Variants in CRYBG2 observed in about 807,000 individuals in gnomAD.
The protein encoded by CRYBG2 is crystallin beta-gamma domain containing 2.
A neutral mutation model predicts 153.4 loss-of-function variants in CRYBG2; 106 were observed. The observed-to-expected ratio is 0.69, with a 90% CI of 0.59 to 0.81. CRYBG2 has a LOEUF of 0.81. Ranked by LOEUF, CRYBG2 falls within the 30% of genes least tolerant of loss-of-function variation. The pLI, the probability that CRYBG2 is intolerant of heterozygous loss-of-function variation, is 0.00. For synonymous variants in CRYBG2, 851 were observed against 877.8 expected, an observed-to-expected ratio of 0.97 and a Z score of 0.54; for missense variants, 1,996 against 2,112.0, an observed-to-expected ratio of 0.95 and a Z score of 1.08.
Position 26,336,831 on chromosome 1 carries a change from G to A in CRYBG2, c.3911+10C>T, listed in dbSNP as rs757327654. 4 of 1,581,516 alleles carry A rather than the reference G, an allele frequency of 2.5e-6. No homozygotes were observed. The Admixed American group carries it at 7.3e-5, about 29-fold the overall frequency. On this transcript the variant is annotated intron_variant, in intron 11 of 19. Coordinates refer to ENST00000308182, the MANE Select transcript of CRYBG2 (RefSeq NM_001039775.4). The surrounding 1 kb of genome is among the most constrained non-coding windows in gnomAD (Gnocchi z 4.9). ...GGGCCCGCCCCGCTCCCGGAGCCCG[G>A]GTCACTTACACGCCGCTGAGCACGT... is the stretch of plus-strand genomic sequence containing the variant.
At chr1:26,349,254 C>G (rs921298225) in intron 1 of CRYBG2, among the ~76,000 whole-genome samples, 1 of 152,160 alleles carries the variant, frequency 6.6e-6, no homozygotes, top group Non-Finnish European at 1.5e-5. Context: ...ACTCTTCCCT[C>G]GATTCTGTCC....
At chr1:26,332,272 A>T (rs1340398941) in intron 14 of CRYBG2, among the ~76,000 whole-genome samples, 3 of 143,898 alleles carry the variant, frequency 2.1e-5, no homozygotes, top group Non-Finnish European at 4.5e-5. Flanking sequence ...ACGCCACTAC[A>T]CTCCAGCCTG....
Position 26,345,355 on chromosome 1 carries a change from C to T in CRYBG2, c.1303G>A (p.Gly435Ser). 10 of 1,613,436 alleles carry T rather than the reference C, an allele frequency of 6.2e-6. No individual in the cohort carries two copies. Among genetic ancestry groups the T allele is most frequent in the Non-Finnish European group, 8.5e-6 (10 of 1,179,878 alleles). Residue 435 changes from glycine (G) to serine (S), a missense_variant, in exon 2 of 20, where the codon GGT (glycine) becomes AGT (serine). Transcript: ENST00000308182. ...CTTGGGGACGATGGAGCAGAAAGACCTCCTGGGCTGGGGACATCCTTCCTT... is the reference window on the plus strand; with the variant it reads ...CTTGGGGACGATGGAGCAGAAAGACTTCCTGGGCTGGGGACATCCTTCCTT... ...TRRKDVPSPG[G>S]LSAPSSPRNK...
chr1:26,328,083 G>A, intron 17 of CRYBG2, 126 bp downstream of exon 17: 1 of 1,354,930 alleles, frequency 7.4e-7, no homozygotes, highest in Middle Eastern at 2.6e-4. Context: ...ATGACGATGT[G>A]GCAAAAGTTG....
chr1:26,341,091 C>A (rs2074123548), intron 5 of CRYBG2, among the ~76,000 whole-genome samples: 1 of 151,976 alleles, frequency 6.6e-6, no homozygotes. Flanking sequence ...GTAATCCCAG[C>A]ACTTTGAGAG....
At chr1:26,339,486 G>C (rs913808188) in intron 5 of CRYBG2, 57 bp from the exon 6 acceptor site, 2 of 1,593,266 alleles carry the variant, frequency 1.3e-6, no homozygotes, top group African/African-American at 1.3e-5. Flanking sequence ...GGTGGCTCAC[G>C]CCTGTAATCC....
intron 14 of CRYBG2, among the ~76,000 whole-genome samples, chr1:26,333,276 G>A (rs2074020173): frequency 6.6e-6 from 1 of 152,212 alleles, no homozygotes; most frequent in African/African-American, 2.4e-5. Context: ...CTTAAAAGAA[G>A]AGGAAGAGGC....
At chr1:26,334,571 C>T (rs1157134161) in intron 14 of CRYBG2, among the ~76,000 whole-genome samples, 1 of 152,036 alleles carries the variant, frequency 6.6e-6, no homozygotes, top group African/African-American at 2.4e-5. Context: ...GTGTTTAAGA[C>T]ACGGTAATTT....
intron 14 of CRYBG2, among the ~76,000 whole-genome samples, chr1:26,333,514 C>T (rs1040795637): frequency 6.6e-6 from 1 of 151,054 alleles, no homozygotes; most frequent in Admixed American, 6.6e-5. Flanking sequence ...TTCAGTGAGC[C>T]GAGATTGCGC....
intron 1 of CRYBG2, among the ~76,000 whole-genome samples, chr1:26,349,338 C>T (rs751523497): frequency 7.2e-5 from 11 of 152,000 alleles, no homozygotes; most frequent in East Asian, 3.9e-4. Context: ...CAGGATGACG[C>T]GGCTATGAGG....
At chr1:26,341,048 C>T (rs1467856583) in intron 5 of CRYBG2, among the ~76,000 whole-genome samples, 4 of 152,106 alleles carry the variant, frequency 2.6e-5, no homozygotes, top group Admixed American at 1.3e-4. Flanking sequence ...TCATTAGAAA[C>T]GAAAATCAGG....
chr1:26,349,056 C>T (rs2074257891), intron 1 of CRYBG2, among the ~76,000 whole-genome samples: 1 of 151,890 alleles, frequency 6.6e-6, no homozygotes, highest in South Asian at 2.1e-4. Context: ...GTAATCCCAG[C>T]TACTTGGGAA....
rs770050214 is a variant in CRYBG2 at position 26,346,014 on chromosome 1, C to T, written c.644G>A (p.Arg215His). ...GCCCACCACCACTGGCGGCACCATG[C>T]GGGAGACCTGACGGCCCCGTGGCAG... ...EALPRGRQVS[R>H]MVPPVVVGSP... Residue 215 changes from arginine (R) to histidine (H), a missense_variant, in exon 2 of 20, where the codon CGC becomes CAC. Arg to His is a conservative substitution (Grantham distance 29, BLOSUM62 0). Transcript: ENST00000308182. The surrounding 1 kb of genome is among the most constrained non-coding windows in gnomAD (Gnocchi z 4.9). 4.4e-5 allele frequency: 70 copies of T among 1,593,502 alleles called. No homozygotes were observed. Among genetic ancestry groups the T allele is most frequent in the African/African-American group, 5.3e-5 (4 of 74,834 alleles).
chr1:26,337,776 C>T lies in CRYBG2; in HGVS notation c.3508-102G>A, dbSNP rs114782992. 941 of 1,469,880 alleles carry T rather than the reference C, an allele frequency of 6.4e-4. 11 individuals carry two copies. The African/African-American group carries it at 0.011, about 17-fold the overall frequency. 91.1% of individuals were successfully genotyped at this position (1,469,880 alleles called of 1,614,324 possible). On this transcript the variant is annotated intron_variant, in intron 8 of 19. Transcript: ENST00000308182. The stretch of plus-strand genomic sequence containing the variant: ...CAGGCCAATGTGGCACCCCCCAGCC[C>T]TCCCACCTCCTTGCTGAACTCCATC...
At chr1:26,339,170 T>C (rs2074097562) in intron 6 of CRYBG2, 120 bp downstream of exon 6, 4 of 1,307,634 alleles carry the variant, frequency 3.1e-6, no homozygotes, top group Non-Finnish European at 4.2e-6. Flanking sequence ...CTTACTTGCC[T>C]GTCCCCACCA....
chr1:26,338,402 C>T lies in CRYBG2; in HGVS notation c.3420G>A (p.Glu1140=). 1 of 1,613,582 alleles carries T rather than the reference C, an allele frequency of 6.2e-7. No homozygotes were observed. Among genetic ancestry groups the T allele is most frequent in the Non-Finnish European group, 8.5e-7 (1 of 1,179,776 alleles). The change falls in exon 7 of 20, where the codon GAG becomes GAA. Residue 1140 remains glutamate (E), a synonymous_variant. Transcript: ENST00000308182. ...ILEPGEYPTS[E]AWGTSDPSVG... ...CGCTGGGGTCCGATGTGCCCCAGGC[C>T]TCTGAGGTGGGGTACTCTCCAGGTT...
chr1:26,331,666 G>C, intron 14 of CRYBG2, 48 bp from the exon 15 acceptor site: 1 of 1,601,710 alleles, frequency 6.2e-7, no homozygotes, highest in Non-Finnish European at 8.5e-7. Flanking sequence ...CCTGTCCTTG[G>C]CCTGCCCAGG....
intron 19 of CRYBG2, 34 bp from the exon 20 acceptor site, chr1:26,322,090 A>T: frequency 6.3e-7 from 1 of 1,599,190 alleles, no homozygotes; most frequent in Non-Finnish European, 8.6e-7. Flanking sequence ...AGATAGGGAG[A>T]TAGTCAGAGA....
At chr1:26,322,662 C>A (rs1236730295) in intron 18 of CRYBG2, among the ~76,000 whole-genome samples, 1 of 152,216 alleles carries the variant, frequency 6.6e-6, no homozygotes, top group African/African-American at 2.4e-5. Context: ...CCTAACCTCT[C>A]TATGCTCTGG....
Sources: allele counts gnomAD v4.1 joint callset (sites outside exome capture counted in the v4.1 genomes callset), GRCh38; gene constraint gnomAD v4.1.1; non-coding constraint Gnocchi (gnomAD v3.1); transcripts MANE v1.5; gene names NCBI Gene and HGNC (gene_info 2026-07-23, HGNC 2026-07-21).